Variants in IL20RA observed in about 807,000 individuals in gnomAD.
IL20RA encodes interleukin-20 receptor subunit alpha.
In IL20RA, 29 loss-of-function variants were observed where a neutral mutation model predicts 36.5. The observed-to-expected ratio is 0.79, with a 90% confidence interval of 0.59 to 1.08. IL20RA has a LOEUF of 1.08. Among genes scored for constraint, IL20RA ranks in the 50% least tolerant of loss-of-function variants. The pLI, the probability that IL20RA is intolerant of heterozygous loss-of-function variation, is 0.00. For synonymous variants in IL20RA, 279 were observed against 267.1 expected, an observed-to-expected ratio of 1.04 and a Z score of -0.43; for missense variants, 652 against 668.4, an observed-to-expected ratio of 0.98 and a Z score of 0.27.
chr6:137,043,548 A>G (rs1776779043), intron 1 of IL20RA, among the ~76,000 whole-genome samples: 3 of 152,234 alleles, frequency 2.0e-5, no homozygotes, highest in Admixed American at 2.0e-4. Flanking sequence ...AATTTAAAAG[A>G]TAAAATATTT....
intron 6 of IL20RA, among the ~76,000 whole-genome samples, chr6:137,004,157 A>ACC: frequency 1.0e-5 from 1 of 95,444 alleles, no homozygotes; most frequent in Non-Finnish European, 2.1e-5. Flanking sequence ...TAATCCAGAA[A>ACC]GCTTTTTTTT....
chr6:137,004,208 C>G (rs571214562), intron 6 of IL20RA, among the ~76,000 whole-genome samples: 1 of 130,986 alleles, frequency 7.6e-6, no homozygotes, highest in Non-Finnish European at 1.5e-5. Flanking sequence ...CAGAGCCTCA[C>G]TCTGTCACCC....
intron 1 of IL20RA, among the ~76,000 whole-genome samples, chr6:137,028,460 G>A (rs150813991): frequency 2.4e-3 from 362 of 150,824 alleles, no homozygotes; most frequent in Non-Finnish European, 3.9e-3. Context: ...CCCTGCTCTC[G>A]TGGAGGAGAT....
At position 137,037,697 on chromosome 6, in the gene IL20RA, C is replaced by T. The variant is rs185913102; in HGVS notation, c.88+6944G>A. Among the ~76,000 whole-genome samples the T allele has an allele frequency of 1.7e-4, 26 of 152,100 alleles. 1 individual carries two copies. Among genetic ancestry groups the T allele is most frequent in the Admixed American group, 1.5e-3 (23 of 15,276 alleles). ...CATCATGATCTATAGGAAGTCAGCC[C>T]GAGATATTGCAAACAAACTGGAACA... On this transcript the variant is annotated intron_variant, in intron 1 of 6. Coordinates refer to ENST00000316649, the MANE Select transcript of IL20RA (RefSeq NM_014432.4).
chr6:137,007,869 A>C (rs1181658351), intron 5 of IL20RA, among the ~76,000 whole-genome samples: 1 of 152,252 alleles, frequency 6.6e-6, no homozygotes, highest in Non-Finnish European at 1.5e-5. Flanking sequence ...TAAAAAATGA[A>C]TTCTGCTTTA....
chr6:137,034,662 C>A (rs765080303), intron 1 of IL20RA, among the ~76,000 whole-genome samples: 73 of 152,106 alleles, frequency 4.8e-4, no homozygotes, highest in Non-Finnish European at 9.1e-4. Context: ...ACATGTGGGC[C>A]AGGTGCGGTG....
intron 5 of IL20RA, among the ~76,000 whole-genome samples, chr6:137,007,760 A>G (rs1229324843): frequency 6.6e-6 from 1 of 152,208 alleles, no homozygotes; most frequent in Non-Finnish European, 1.5e-5. Flanking sequence ...AAGGATAAGG[A>G]AGTGATCACT....
chr6:137,022,339 G>A (rs1775933365), intron 1 of IL20RA, among the ~76,000 whole-genome samples: 1 of 152,070 alleles, frequency 6.6e-6, no homozygotes, highest in Non-Finnish European at 1.5e-5. Context: ...ACGAAGGTAG[G>A]GATTCCTAGA....
intron 6 of IL20RA, among the ~76,000 whole-genome samples, chr6:137,004,301 G>C (rs187105903): frequency 1.3e-5 from 2 of 151,210 alleles, no homozygotes; most frequent in Admixed American, 1.3e-4. Flanking sequence ...TCAGCCTCCC[G>C]AGTAGCTGGG....
chr6:137,043,887 G>A (rs1264362600), intron 1 of IL20RA, among the ~76,000 whole-genome samples: 2 of 152,110 alleles, frequency 1.3e-5, no homozygotes, highest in Non-Finnish European at 2.9e-5. Flanking sequence ...AAAGCAATCA[G>A]GTTAATGAAT....
At chr6:137,004,791 G>A (rs780943656) in intron 5 of IL20RA, 31 bp from the exon 6 acceptor site, 38 of 1,569,454 alleles carry the variant, frequency 2.4e-5, no homozygotes, top group Middle Eastern at 1.8e-4. Context: ...GTGGGAATTC[G>A]GGGGAAGGGA....
intron 1 of IL20RA, among the ~76,000 whole-genome samples, chr6:137,038,548 A>T (rs1259951330): frequency 6.6e-6 from 1 of 152,098 alleles, no homozygotes; most frequent in Admixed American, 6.5e-5. Context: ...GATTAAAGTG[A>T]TTTAATTCAT....
chr6:137,044,560 G>C, intron 1 of IL20RA, 81 bp downstream of exon 1: 3 of 1,194,596 alleles, frequency 2.5e-6, no homozygotes, highest in African/African-American at 3.2e-5. Context: ...CAGGAGGGGA[G>C]AGCTCGGCCT....
intron 1 of IL20RA, among the ~76,000 whole-genome samples, chr6:137,019,515 G>A (rs1775826215): frequency 6.6e-6 from 1 of 152,082 alleles, no homozygotes; most frequent in African/African-American, 2.4e-5. Flanking sequence ...GAAATAACTT[G>A]GAGTAAAAGA....
rs991426672 is a variant in IL20RA, at chr6:137,000,440, A to G, written c.*1118T>C. 1 of 152,226 alleles carries G rather than the reference A, an allele frequency of 6.6e-6. No individual in the cohort carries two copies. The highest frequency in any genetic ancestry group is 2.4e-5 in the African/African-American group (1 of 41,470). The allele number at this position is 152,226 out of a possible 1,614,324, so 9.4% of individuals were successfully genotyped here. A position where few individuals can be genotyped will look rare whatever the true frequency, so the allele number is the denominator to read the frequency against. On this transcript the variant is annotated 3_prime_UTR_variant, in exon 7 of 7. Transcript: ENST00000316649. ...TCCCATTTTAAAGCAGCGTGACTGAAGAATTTAATTTTCTTAACAAGTGGT... is the reference window on the plus strand; with the variant it reads ...TCCCATTTTAAAGCAGCGTGACTGAGGAATTTAATTTTCTTAACAAGTGGT...
At chr6:137,044,274 T>A (rs1322453651) in intron 1 of IL20RA, 1 of 996,748 alleles carries the variant, frequency 1.0e-6, no homozygotes, top group Non-Finnish European at 1.2e-6. Flanking sequence ...AACCTGGGAC[T>A]GGCCGGCGAG....
At chr6:137,044,281 C>T in intron 1 of IL20RA, 1 of 1,000,904 alleles carries the variant, frequency 1.0e-6, no homozygotes, top group Non-Finnish European at 1.2e-6. Context: ...GACTGGCCGG[C>T]GAGGGGCCCC....
intron 1 of IL20RA, among the ~76,000 whole-genome samples, chr6:137,041,705 T>G (rs969068358): frequency 6.6e-6 from 1 of 152,168 alleles, no homozygotes; most frequent in African/African-American, 2.4e-5. Flanking sequence ...TGTTTGGTAT[T>G]TAGACTGCAA....
rs568906775 is a variant in IL20RA at position 137,001,287 on chromosome 6, A to T, written c.*271T>A. The T allele has an allele frequency of 6.4e-6, 2 of 310,708 alleles. No individual in the cohort carries two copies. Among genetic ancestry groups the T allele is most frequent in the Admixed American group, 8.9e-5 (2 of 22,380 alleles). 19.2% of individuals were successfully genotyped at this position (310,708 alleles called of 1,614,324 possible). A position where few individuals can be genotyped will look rare whatever the true frequency, so the allele number is the denominator to read the frequency against. Reference sequence around the variant, plus strand: ...GTACACCCACCTGAATAAATTCTGCACCCAGTCTGGCAAACATTTATTGAC... The same window carrying T: ...GTACACCCACCTGAATAAATTCTGCTCCCAGTCTGGCAAACATTTATTGAC... On this transcript the variant is annotated 3_prime_UTR_variant, in exon 7 of 7. Coordinates refer to ENST00000316649, the MANE Select transcript of IL20RA (RefSeq NM_014432.4).
Sources: gnomAD v4.1 joint callset for allele counts (sites outside exome capture counted in the v4.1 genomes callset) on GRCh38, gnomAD v4.1.1 for gene constraint, MANE v1.5 for transcripts, NCBI Gene and HGNC (gene_info 2026-07-23, HGNC 2026-07-21) for gene names.